The following IGF2BP2 variants were observed in gnomAD, a reference collection of about 807,000 sequenced individuals.
The protein encoded by IGF2BP2 is insulin-like growth factor 2 mRNA-binding protein 2.
A neutral mutation model predicts 75.8 loss-of-function variants in IGF2BP2; 17 were observed. The ratio of observed to expected loss-of-function variants is 0.22; its 90% CI spans 0.15 to 0.34. The LOEUF (loss-of-function observed/expected upper bound fraction) is 0.34, where lower values mean the gene tolerates loss of function less well. IGF2BP2 is among the 10% of genes least tolerant of loss of function. IGF2BP2 has a pLI of 1.00. For missense variants in IGF2BP2, 516 were observed against 772.4 expected, an observed-to-expected ratio of 0.67 and a Z score of 3.93; for synonymous variants, 288 against 295.6, an observed-to-expected ratio of 0.97 and a Z score of 0.26.
At chr3:185,802,267 T>C (rs1247310445) in intron 2 of IGF2BP2, among the ~76,000 whole-genome samples, 4 of 125,976 alleles carry the variant, frequency 3.2e-5, no homozygotes, top group East Asian at 2.2e-4. Context: ...CTTTGCTAAG[T>C]AGCATCCTCA....
At chr3:185,737,009 T>G (rs1477784127) in intron 2 of IGF2BP2, among the ~76,000 whole-genome samples, 14 of 152,248 alleles carry the variant, frequency 9.2e-5, no homozygotes, top group Admixed American at 8.5e-4. Flanking sequence ...GGACTCTAAT[T>G]TACAAGCTAA....
intron 2 of IGF2BP2, chr3:185,716,751 G>A: frequency 3.8e-6 from 2 of 519,896 alleles, no homozygotes; most frequent in South Asian, 1.4e-5. Context: ...TCATCAGAAT[G>A]GAAGTGGGAG....
chr3:185,687,304 C>T (rs1721280164), intron 6 of IGF2BP2, 113 bp from the exon 7 acceptor site: 10 of 1,107,602 alleles, frequency 9.0e-6, no homozygotes, highest in East Asian at 2.5e-5. Context: ...GACAAGGAGG[C>T]GTCATCAGCA....
chr3:185,818,529 C>T (rs1740899839), intron 2 of IGF2BP2, among the ~76,000 whole-genome samples: 1 of 152,172 alleles, frequency 6.6e-6, no homozygotes, highest in East Asian at 1.9e-4. Flanking sequence ...TTAAAGATCT[C>T]CTGCTGCCTC....
rs187039287 is a variant in IGF2BP2 at position 185,660,526 on chromosome 3, G to A, written c.1201-2117C>T. Among the ~76,000 whole-genome samples the A allele has an allele frequency of 5.9e-5, 9 of 152,322 alleles. No homozygotes were observed. The South Asian group carries it at 1.9e-3, about 32-fold the overall frequency. ...CTGCTGTAGGTTACCAGCCACGCCT[G>A]CCGGCGACAGAGCTCCACTTAACAC... On this transcript the variant is annotated intron_variant, in intron 10 of 15. Coordinates refer to ENST00000382199, the MANE Select transcript of IGF2BP2 (RefSeq NM_006548.6).
rs142523891 is a variant in IGF2BP2, at chr3:185,774,231, G to A, written c.239+48922C>T. 4.2e-3 allele frequency among the ~76,000 whole-genome samples: 639 copies of A among 152,280 alleles called. 3 individuals carry two copies. Among genetic ancestry groups the A allele is most frequent in the Non-Finnish European group, 7.0e-3 (479 of 68,024 alleles). ...GAGACGGTTACACAGGGCTTGCATGGTTTCAATGACTTTCACCAGGTTTCA... is the reference window on the plus strand; with the variant it reads ...GAGACGGTTACACAGGGCTTGCATGATTTCAATGACTTTCACCAGGTTTCA... On this transcript the variant is annotated intron_variant, in intron 2 of 15. Transcript: ENST00000382199.
At chr3:185,677,044 G>GATATAT (rs1164588813) in intron 7 of IGF2BP2, among the ~76,000 whole-genome samples, 810 of 23,750 alleles carry the variant, frequency 0.034, 67 homozygotes, top group East Asian at 0.088. Context: ...TATATATGGA[G>GATATAT]ATATATATAT....
At chr3:185,675,506 A>G in intron 8 of IGF2BP2, 75 bp from the exon 9 acceptor site, 1 of 1,550,872 alleles carries the variant, frequency 6.4e-7, no homozygotes, top group Non-Finnish European at 8.8e-7. Flanking sequence ...AAAAAATCAC[A>G]AACAAGTTTT....
chr3:185,771,656 A>G (rs1733894551), intron 2 of IGF2BP2, among the ~76,000 whole-genome samples: 1 of 152,188 alleles, frequency 6.6e-6, no homozygotes, highest in African/African-American at 2.4e-5. Context: ...TCGCTTCTCA[A>G]CAATTTCAAT....
At chr3:185,784,267 TAGAC>T (rs59726249) in intron 2 of IGF2BP2, among the ~76,000 whole-genome samples, 10 of 151,736 alleles carry the variant, frequency 6.6e-5, no homozygotes, top group Admixed American at 6.6e-5. Context: ...GATAGATAGA[TAGAC>T]AGACAGACAG....
chr3:185,700,515 A>T (rs1451755292), intron 2 of IGF2BP2, among the ~76,000 whole-genome samples: 1 of 152,244 alleles, frequency 6.6e-6, no homozygotes, highest in African/African-American at 2.4e-5. Flanking sequence ...GCAATAGTTC[A>T]GAATAAAACT....
At chr3:185,780,589 TG>T (rs200248118) in intron 2 of IGF2BP2, among the ~76,000 whole-genome samples, 230 of 152,250 alleles carry the variant, frequency 1.5e-3, no homozygotes, top group African/African-American at 5.4e-3. Flanking sequence ...TCTTCAAAAG[TG>T]GTATGATGTT....
At chr3:185,745,563 T>A (rs1730144699) in intron 2 of IGF2BP2, among the ~76,000 whole-genome samples, 1 of 152,134 alleles carries the variant, frequency 6.6e-6, no homozygotes, top group African/African-American at 2.4e-5. Flanking sequence ...CCAGCCAAGA[T>A]GGAACCAAGA....
intron 2 of IGF2BP2, among the ~76,000 whole-genome samples, chr3:185,751,220 C>T (rs762799856): frequency 2.9e-4 from 44 of 152,284 alleles, no homozygotes; most frequent in Non-Finnish European, 5.0e-4. Context: ...TAAAATCATA[C>T]ATATAGAAAT....
chr3:185,668,845 C>T lies in IGF2BP2; in HGVS notation c.1200+3696G>A, dbSNP rs992965451. On this transcript the variant is annotated intron_variant, in intron 10 of 15. Coordinates refer to ENST00000382199, the MANE Select transcript of IGF2BP2 (RefSeq NM_006548.6). ...TGTATGTAGGTTTTAACTTAATTAC[C>T]GTTATAACAATCCCCTAATGTAGGT... 5.3e-5 allele frequency among the ~76,000 whole-genome samples: 8 copies of T among 152,048 alleles called. 1 individual carries two copies. The highest frequency in any genetic ancestry group is 1.9e-4 in the East Asian group (1 of 5,184).
At chr3:185,678,679 T>C (rs1462987526) in intron 7 of IGF2BP2, among the ~76,000 whole-genome samples, 8 of 152,210 alleles carry the variant, frequency 5.3e-5, no homozygotes, top group African/African-American at 1.4e-4. Flanking sequence ...TATTTCCTTA[T>C]TGTTCTTCTG....
chr3:185,767,573 G>T (rs139844605), intron 2 of IGF2BP2, among the ~76,000 whole-genome samples: 3 of 152,110 alleles, frequency 2.0e-5, no homozygotes, highest in African/African-American at 7.2e-5. Context: ...TTTGAAAAAT[G>T]TATTTGACCA....
At chr3:185,785,898 A>G (rs1321976886) in intron 2 of IGF2BP2, among the ~76,000 whole-genome samples, 1 of 152,218 alleles carries the variant, frequency 6.6e-6, no homozygotes, top group Non-Finnish European at 1.5e-5. Context: ...AGTAGATCTA[A>G]GGATTCTTTC....
At chr3:185,823,094 C>T (rs1741570777) in intron 2 of IGF2BP2, 59 bp downstream of exon 2, 3 of 1,162,858 alleles carry the variant, frequency 2.6e-6, no homozygotes, top group Admixed American at 2.3e-5. Flanking sequence ...GCTGTGTGTA[C>T]GTTTTTTACT....
Sources: gnomAD v4.1 joint callset for allele counts (sites outside exome capture counted in the v4.1 genomes callset) on GRCh38, gnomAD v4.1.1 for gene constraint, MANE v1.5 for transcripts, NCBI Gene and HGNC (gene_info 2026-07-23, HGNC 2026-07-21) for gene names.